The following CAMK2D variants were observed in gnomAD, a reference collection of about 807,000 sequenced individuals.
CAMK2D encodes the protein calcium/calmodulin-dependent protein kinase type II subunit delta.
A neutral mutation model predicts 84.0 loss-of-function variants in CAMK2D; 37 were observed. The ratio of observed to expected loss-of-function variants is 0.44; its 90% CI spans 0.34 to 0.58. The LOEUF is 0.58. Ranked by LOEUF, CAMK2D falls within the 20% of genes least tolerant of loss-of-function variation. CAMK2D has a pLI of 0.02. For missense variants in CAMK2D, 448 were observed against 652.5 expected (o/e 0.69, Z 3.41); for synonymous variants, 202 against 212.5 (o/e 0.95, Z 0.43).
chr4:113,748,960 C>A (rs1415383352), intron 2 of CAMK2D, among the ~76,000 whole-genome samples: 2 of 151,844 alleles, frequency 1.3e-5, no homozygotes, highest in Admixed American at 6.6e-5. Context: ...AGTATTAAAG[C>A]ATATAAAATT....
chr4:113,755,533 C>T (rs1162046829), intron 2 of CAMK2D, among the ~76,000 whole-genome samples: 2 of 151,946 alleles, frequency 1.3e-5, no homozygotes, highest in Admixed American at 6.5e-5. Context: ...TGGTTTCTAA[C>T]GATCAAGAAA....
intron 2 of CAMK2D, among the ~76,000 whole-genome samples, chr4:113,700,413 G>A (rs2099414352): frequency 6.6e-6 from 1 of 152,126 alleles, no homozygotes; most frequent in Non-Finnish European, 1.5e-5. Context: ...TAAGAAAGTA[G>A]GCTATTTCAA....
rs202114000 is a variant in CAMK2D at position 113,708,416 on chromosome 4, CAAT to C, written c.161-46647_161-46645del. Among the ~76,000 whole-genome samples the C allele has an allele frequency of 4.6e-4, 70 of 152,256 alleles. No homozygotes were observed. The East Asian group carries it at 9.7e-3, about 21-fold the overall frequency. On this transcript the variant is annotated intron_variant, in intron 2 of 20. Transcript: ENST00000511664. ...GCATGGCTGGAGAGTCTCCAACTGA[CAAT>C]AAAATGAACGAGGAACTGGTGATGT...
chr4:113,526,212 C>A (rs927405505), intron 8 of CAMK2D, among the ~76,000 whole-genome samples: 1 of 152,088 alleles, frequency 6.6e-6, no homozygotes, highest in Non-Finnish European at 1.5e-5. Flanking sequence ...CTAGACAAAG[C>A]GTCCACACAG....
chr4:113,639,758 G>T (rs1254671742), intron 3 of CAMK2D, among the ~76,000 whole-genome samples: 1 of 152,022 alleles, frequency 6.6e-6, no homozygotes, highest in Non-Finnish European at 1.5e-5. Context: ...TGGGGAGGGA[G>T]TCTGTATGGC....
intron 2 of CAMK2D, among the ~76,000 whole-genome samples, chr4:113,712,419 A>G (rs1010154334): frequency 1.3e-5 from 2 of 152,166 alleles, no homozygotes; most frequent in Admixed American, 6.6e-5. Context: ...GCTGGATGCT[A>G]AGCTGGATAT....
At chr4:113,472,682 C>T (rs2097560801) in intron 16 of CAMK2D, among the ~76,000 whole-genome samples, 1 of 152,152 alleles carries the variant, frequency 6.6e-6, no homozygotes, top group African/African-American at 2.4e-5. Context: ...TTTATACCTG[C>T]AAATGTGTCT....
chr4:113,732,237 C>T (rs1031420710), intron 2 of CAMK2D, among the ~76,000 whole-genome samples: 1 of 152,082 alleles, frequency 6.6e-6, no homozygotes, highest in African/African-American at 2.4e-5. Context: ...GATCCTCCCA[C>T]CTCAGCCTCC....
intron 2 of CAMK2D, among the ~76,000 whole-genome samples, chr4:113,680,015 G>A (rs1187807415): frequency 6.6e-6 from 1 of 152,080 alleles, no homozygotes; most frequent in African/African-American, 2.4e-5. Flanking sequence ...AAGAAGTCTA[G>A]TAATTTGTGG....
intron 6 of CAMK2D, among the ~76,000 whole-genome samples, chr4:113,538,940 T>C (rs1027324648): frequency 2.0e-5 from 3 of 152,168 alleles, no homozygotes; most frequent in Non-Finnish European, 2.9e-5. Context: ...GTGGGGCTGA[T>C]AGGGATTTTT....
chr4:113,623,193 T>A (rs919080294), intron 3 of CAMK2D, among the ~76,000 whole-genome samples: 68 of 152,218 alleles, frequency 4.5e-4, no homozygotes, highest in Admixed American at 4.4e-3. Flanking sequence ...AGCATTCTTT[T>A]TTTCAGTGAC....
intron 16 of CAMK2D, among the ~76,000 whole-genome samples, chr4:113,482,760 TC>T (rs2097716816): frequency 6.6e-6 from 1 of 152,214 alleles, no homozygotes; most frequent in Non-Finnish European, 1.5e-5. Flanking sequence ...AGAGACGAAA[TC>T]AAACATCCAA....
chr4:113,558,289 T>C (rs2098679074), intron 4 of CAMK2D, among the ~76,000 whole-genome samples: 1 of 152,274 alleles, frequency 6.6e-6, no homozygotes, highest in Admixed American at 6.5e-5. Context: ...AATTTTCATA[T>C]ATGTATAGTA....
chr4:113,535,730 A>T (rs1324165212), intron 7 of CAMK2D, among the ~76,000 whole-genome samples: 1 of 152,200 alleles, frequency 6.6e-6, no homozygotes, highest in Non-Finnish European at 1.5e-5. Flanking sequence ...GACAGTGAGC[A>T]AAGTCCCATT....
chr4:113,508,094 A>C, intron 13 of CAMK2D: 3 of 630,402 alleles, frequency 4.8e-6, no homozygotes, highest in Non-Finnish European at 8.8e-6. Context: ...TAAGAGAAGT[A>C]CCGTGTTTTG....
At chr4:113,685,909 A>G (rs190042847) in intron 2 of CAMK2D, among the ~76,000 whole-genome samples, 17 of 152,192 alleles carry the variant, frequency 1.1e-4, no homozygotes, top group African/African-American at 4.1e-4. Context: ...TACTAAAAAT[A>G]CAAAATTATC....
chr4:113,687,628 T>TC (rs1334803124), intron 2 of CAMK2D, among the ~76,000 whole-genome samples: 2 of 152,226 alleles, frequency 1.3e-5, no homozygotes, highest in Non-Finnish European at 2.9e-5. Context: ...AAGGAAACTT[T>TC]CGGTCTCTAA....
intron 2 of CAMK2D, among the ~76,000 whole-genome samples, chr4:113,739,806 T>C (rs556147396): frequency 6.6e-6 from 1 of 152,246 alleles, no homozygotes; most frequent in East Asian, 1.9e-4. Context: ...TTTCAACTTT[T>C]ATTTTAGATT....
chr4:113,470,120 A>G (rs2097529347), intron 16 of CAMK2D, among the ~76,000 whole-genome samples: 1 of 152,112 alleles, frequency 6.6e-6, no homozygotes, highest in African/African-American at 2.4e-5. Flanking sequence ...GAGAGACTAC[A>G]AAACCTTGCG....
Sources: allele counts gnomAD v4.1 joint callset (sites outside exome capture counted in the v4.1 genomes callset), GRCh38; gene constraint gnomAD v4.1.1; transcripts MANE v1.5; gene names NCBI Gene and HGNC (gene_info 2026-07-23, HGNC 2026-07-21).